The following DOCK7 variants were observed in gnomAD, a reference collection of about 807,000 sequenced individuals.
DOCK7 encodes dedicator of cytokinesis 7.
In DOCK7, 138 loss-of-function variants were observed where a neutral mutation model predicts 271.0. The observed-to-expected ratio is 0.51, with a 90% CI of 0.44 to 0.59. The LOEUF (loss-of-function observed/expected upper bound fraction) is 0.59, where lower values mean the gene tolerates loss of function less well. DOCK7 is among the 20% of genes least tolerant of loss of function. DOCK7 has a pLI of 0.00. For synonymous variants in DOCK7, 823 were observed against 876.1 expected (o/e 0.94, Z 1.07); for missense variants, 2,066 against 2,592.4 (o/e 0.80, Z 4.41).
At chr1:62,665,537 C>T (rs1020933021) in intron 1 of DOCK7, among the ~76,000 whole-genome samples, 2 of 151,598 alleles carry the variant, frequency 1.3e-5, no homozygotes, top group Non-Finnish European at 2.9e-5. Flanking sequence ...AACCCCGCCT[C>T]TACTAAAAAT....
At chr1:62,597,562 T>TA in intron 14 of DOCK7, 1 of 1,612,370 alleles carries the variant, frequency 6.2e-7, no homozygotes, top group Non-Finnish European at 8.5e-7. Flanking sequence ...AAAATCAAGA[T>TA]AAAAATGTTC....
At chr1:62,648,933 C>A (rs1185374691) in intron 4 of DOCK7, among the ~76,000 whole-genome samples, 1 of 152,012 alleles carries the variant, frequency 6.6e-6, no homozygotes, top group Non-Finnish European at 1.5e-5. Context: ...AGGTTATATA[C>A]ATATAAAGCA....
At chr1:62,529,093 T>G (rs1233538011) in intron 30 of DOCK7, among the ~76,000 whole-genome samples, 184 bp downstream of exon 30, 1 of 152,180 alleles carries the variant, frequency 6.6e-6, no homozygotes, top group Admixed American at 6.5e-5. Flanking sequence ...CTTAAAGCAA[T>G]CTTATACGGA....
chr1:62,647,427 A>C (rs1162832877), intron 7 of DOCK7, among the ~76,000 whole-genome samples: 1 of 152,204 alleles, frequency 6.6e-6, no homozygotes, highest in African/African-American at 2.4e-5. Context: ...GCTGAATAGC[A>C]CTTAAAATGA....
intron 15 of DOCK7, chr1:62,584,969 C>A: frequency 5.3e-6 from 3 of 565,954 alleles, no homozygotes; most frequent in South Asian, 4.7e-5. Context: ...TTACATTTGT[C>A]GTATGCTCAA....
chr1:62,618,662 A>G, intron 14 of DOCK7, 44 bp downstream of exon 14: 1 of 1,514,218 alleles, frequency 6.6e-7, no homozygotes, highest in South Asian at 1.1e-5. Flanking sequence ...ATTTTAGAAT[A>G]TACAGTATCT....
intron 42 of DOCK7, 91 bp from the exon 43 acceptor site, chr1:62,487,503 C>T (rs1420410310): frequency 1.8e-6 from 2 of 1,139,964 alleles, no homozygotes; most frequent in Non-Finnish European, 2.6e-6. Context: ...ATAAATTCTT[C>T]TCCACAAACA....
chr1:62,673,019 T>A (rs1473555287), intron 1 of DOCK7, among the ~76,000 whole-genome samples: 1 of 152,160 alleles, frequency 6.6e-6, no homozygotes, highest in South Asian at 2.1e-4. Flanking sequence ...CTGTTTCCTA[T>A]CCTTCATGTA....
chr1:62,603,996 T>C (rs773961195), intron 14 of DOCK7: 6 of 1,612,938 alleles, frequency 3.7e-6, no homozygotes, highest in Non-Finnish European at 5.1e-6. Context: ...CTAGAGAAGA[T>C]ATACTCCATA....
At chr1:62,554,991 A>C (rs1646092215) in intron 21 of DOCK7, among the ~76,000 whole-genome samples, 1 of 152,242 alleles carries the variant, frequency 6.6e-6, no homozygotes, top group African/African-American at 2.4e-5. Flanking sequence ...CATTGCCAAA[A>C]GCTGATAAAA....
intron 20 of DOCK7, 86 bp downstream of exon 20, chr1:62,558,903 T>G: frequency 4.4e-6 from 5 of 1,144,848 alleles, no homozygotes; most frequent in Middle Eastern, 4.5e-4. Flanking sequence ...ATATAGCAAA[T>G]AGAAATCATG....
chr1:62,563,007 A>G (rs1192783697), intron 18 of DOCK7, among the ~76,000 whole-genome samples: 2 of 152,074 alleles, frequency 1.3e-5, no homozygotes, highest in Non-Finnish European at 2.9e-5. Context: ...ATCAAAGAAG[A>G]CAGAGTTGAG....
intron 1 of DOCK7, among the ~76,000 whole-genome samples, chr1:62,664,734 T>C (rs992862082): frequency 6.6e-6 from 1 of 151,426 alleles, no homozygotes; most frequent in Non-Finnish European, 1.5e-5. Flanking sequence ...TTTCCATTCA[T>C]TTTTCTGTAA....
intron 1 of DOCK7, among the ~76,000 whole-genome samples, chr1:62,665,137 C>A (rs886837945): frequency 1.3e-5 from 2 of 152,098 alleles, no homozygotes; most frequent in Non-Finnish European, 2.9e-5. Context: ...CAGGCATGCA[C>A]CACCACGCCT....
intron 12 of DOCK7, among the ~76,000 whole-genome samples, chr1:62,624,771 C>T (rs1305243955): frequency 3.3e-5 from 5 of 152,022 alleles, no homozygotes; most frequent in African/African-American, 9.7e-5. Flanking sequence ...GTCAGGAGTT[C>T]GAGACCAGCC....
intron 14 of DOCK7, among the ~76,000 whole-genome samples, chr1:62,590,007 A>G (rs1648205014): frequency 6.6e-6 from 1 of 152,124 alleles, no homozygotes; most frequent in Admixed American, 6.6e-5. Flanking sequence ...AGAAGACCGA[A>G]AGGGCACCCA....
intron 40 of DOCK7, among the ~76,000 whole-genome samples, chr1:62,493,905 A>G (rs1646539340): frequency 6.6e-6 from 1 of 152,214 alleles, no homozygotes. Context: ...TGTAGGGAAT[A>G]GAGAATGTTG....
At chr1:62,558,445 T>C (rs187968496) in intron 20 of DOCK7, among the ~76,000 whole-genome samples, 14 of 152,196 alleles carry the variant, frequency 9.2e-5, no homozygotes, top group Admixed American at 7.2e-4. Context: ...TGAAAGCTGT[T>C]GGTAAAAAAA....
chr1:62,526,086 C>T lies in DOCK7; in HGVS notation c.3936+2065G>A, dbSNP rs1644998699. Among the ~76,000 whole-genome samples the T allele has an allele frequency of 2.0e-5, 3 of 152,068 alleles. No homozygotes were observed. The South Asian group carries it at 6.2e-4, about 31-fold the overall frequency. On this transcript the variant is annotated intron_variant, in intron 31 of 49. Transcript: ENST00000635253. The stretch of plus-strand genomic sequence containing the variant: ...CAGGTAGCTGGGACTACAGTAGGCA[C>T]ATGCCACCACGCCCGGCTATTTTTT...
Sources: gnomAD v4.1 joint callset for allele counts (sites outside exome capture counted in the v4.1 genomes callset) on GRCh38, gnomAD v4.1.1 for gene constraint, MANE v1.5 for transcripts, NCBI Gene and HGNC (gene_info 2026-07-23, HGNC 2026-07-21) for gene names.